Variants in LPP observed in about 807,000 individuals in gnomAD.
The protein encoded by LPP is lipoma-preferred partner.
A neutral mutation model predicts 60.4 loss-of-function variants in LPP; 38 were observed. The ratio of observed to expected loss-of-function variants is 0.63; its 90% CI spans 0.49 to 0.83. The LOEUF (loss-of-function observed/expected upper bound fraction) is 0.83, where lower values mean the gene tolerates loss of function less well. Ranked by LOEUF, LPP falls within the 40% of genes least tolerant of loss-of-function variation. LPP has a pLI of 0.00. For synonymous variants in LPP, 328 were observed against 290.8 expected (o/e 1.13, Z -1.30); for missense variants, 902 against 783.6 (o/e 1.15, Z -1.80).
chr3:188,840,192 G>A (rs1759575062), intron 9 of LPP, among the ~76,000 whole-genome samples: 1 of 151,954 alleles, frequency 6.6e-6, no homozygotes, highest in South Asian at 2.1e-4. Context: ...TCTTTTTCCA[G>A]CTATTGATGA....
At position 188,506,362 on chromosome 3, in the gene LPP, A is replaced by G. The variant is rs111836922; in HGVS notation, c.307-18303A>G. 6.0e-3 allele frequency among the ~76,000 whole-genome samples: 918 copies of G among 152,330 alleles called. 4 individuals carry two copies. The highest frequency in any genetic ancestry group is 0.024 in the Middle Eastern group (7 of 294). ...CTGCTGGTTCAGAGTAAAGGCTACT[A>G]TGAGTCAGTTAATAAATAGATTTAT... On this transcript the variant is annotated intron_variant, in intron 5 of 11. Coordinates refer to ENST00000617246, the MANE Select transcript of LPP (RefSeq NM_001375462.1).
chr3:188,445,383 A>C (rs575720586), intron 4 of LPP, among the ~76,000 whole-genome samples: 6 of 152,272 alleles, frequency 3.9e-5, no homozygotes, highest in African/African-American at 1.4e-4. Context: ...GCAAACTGAC[A>C]CAGGAACAGA....
chr3:188,155,585 T>G (rs1221216502), intron 1 of LPP, among the ~76,000 whole-genome samples: 1 of 152,156 alleles, frequency 6.6e-6, no homozygotes, highest in East Asian at 1.9e-4. Flanking sequence ...TCCACGAAGG[T>G]GGGTGCTAGA....
intron 1 of LPP, among the ~76,000 whole-genome samples, chr3:188,223,069 C>T (rs1716400412): frequency 6.6e-6 from 1 of 152,170 alleles, no homozygotes; most frequent in Admixed American, 6.5e-5. Context: ...AGGGAAAATA[C>T]TCAAGGCCAA....
In LPP at chr3:188,885,651, C is replaced by T. The variant is rs1033596003; in HGVS notation, c.*11172C>T. On this transcript the variant is annotated 3_prime_UTR_variant, in exon 12 of 12. Transcript: ENST00000617246. Reference sequence around the variant, plus strand: ...TGATTTATAATCCTTTGGGTATATACCCAGTAATGGGATGGCTGGGTCAAA... The same window carrying T: ...TGATTTATAATCCTTTGGGTATATATCCAGTAATGGGATGGCTGGGTCAAA... The T allele has an allele frequency of 1.2e-4, 19 of 154,122 alleles. No individual in the cohort carries two copies. Among genetic ancestry groups the T allele is most frequent in the African/African-American group, 4.6e-4 (19 of 41,502 alleles). The allele number at this position is 154,122 out of a possible 1,614,324, so 9.5% of individuals were successfully genotyped here.
At chr3:188,318,047 A>G (rs1216650261) in intron 2 of LPP, among the ~76,000 whole-genome samples, 2 of 152,204 alleles carry the variant, frequency 1.3e-5, no homozygotes, top group African/African-American at 4.8e-5. Context: ...TTCTCATAGA[A>G]GATCCTTCTC....
chr3:188,347,821 C>G (rs7617574), intron 3 of LPP, among the ~76,000 whole-genome samples: 148,771 of 152,290 alleles, frequency 0.98, 72,721 homozygotes, highest in African/African-American at 1. Flanking sequence ...CTCGGAGTTT[C>G]TCAATGGCAG....
chr3:188,249,829 T>TACACACACACACACAC (rs61215623), intron 2 of LPP, among the ~76,000 whole-genome samples: 3 of 111,166 alleles, frequency 2.7e-5, no homozygotes, highest in Non-Finnish European at 5.2e-5. Context: ...TTTCTCTGTC[T>TACACACACACACACAC]ACACACACAC....
In LPP at chr3:188,597,291, C is replaced by A. The variant is rs552452558; in HGVS notation, c.430-11870C>A. ...AATTAGTTATTTCTTCTCAAAGAATCCTCTGTTAAAAATTATTCCCCAAAT... is the reference window on the plus strand; with the variant it reads ...AATTAGTTATTTCTTCTCAAAGAATACTCTGTTAAAAATTATTCCCCAAAT... On this transcript the variant is annotated intron_variant, in intron 6 of 11. Transcript: ENST00000617246. Among the ~76,000 whole-genome samples, 5 of 152,184 alleles carry A rather than the reference C, an allele frequency of 3.3e-5. No individual in the cohort carries two copies. The East Asian group carries it at 9.7e-4, about 29-fold the overall frequency.
intron 7 of LPP, among the ~76,000 whole-genome samples, chr3:188,635,281 G>A (rs1423465992): frequency 6.6e-6 from 1 of 152,030 alleles, no homozygotes; most frequent in Non-Finnish European, 1.5e-5. Flanking sequence ...GTGCTTCTTG[G>A]GCATCAGTGG....
chr3:188,197,029 T>C (rs776523971), intron 1 of LPP, among the ~76,000 whole-genome samples: 1 of 152,258 alleles, frequency 6.6e-6, no homozygotes, highest in African/African-American at 2.4e-5. Flanking sequence ...TAATTCTTTA[T>C]ATTTCTGTAT....
intron 7 of LPP, among the ~76,000 whole-genome samples, chr3:188,656,826 G>A (rs1364165351): frequency 6.6e-6 from 1 of 152,186 alleles, no homozygotes; most frequent in Non-Finnish European, 1.5e-5. Flanking sequence ...ACTGAGGGCT[G>A]CCCAATAGCT....
Position 188,874,208 on chromosome 3 carries a change from G to A in LPP, c.1711-143G>A, listed in dbSNP as rs73199043. The A allele has an allele frequency of 0.15, 94,796 of 612,628 alleles. 8,970 individuals are homozygous for A. The highest frequency in any genetic ancestry group is 0.21 in the Middle Eastern group (476 of 2,306). The allele number at this position is 612,628 out of a possible 1,614,324, so 37.9% of individuals were successfully genotyped here. ...GTTATATATTGGGAGAAAGGATACA[G>A]GGGATTAGCAGAATGTAAAGCAGGA... On this transcript the variant is annotated intron_variant, in intron 11 of 11. Transcript: ENST00000617246.
chr3:188,232,772 G>A (rs1350959715), intron 2 of LPP, among the ~76,000 whole-genome samples: 1 of 152,082 alleles, frequency 6.6e-6, no homozygotes, highest in South Asian at 2.1e-4. Context: ...TTTGGAGTAG[G>A]AAGACTGTCA....
At chr3:188,573,055 T>C (rs1190535307) in intron 6 of LPP, among the ~76,000 whole-genome samples, 1 of 152,066 alleles carries the variant, frequency 6.6e-6, no homozygotes, top group Non-Finnish European at 1.5e-5. Flanking sequence ...TGTCAATAAG[T>C]TTGTAATAGT....
At chr3:188,587,905 A>G (rs1040211702) in intron 6 of LPP, among the ~76,000 whole-genome samples, 1 of 152,234 alleles carries the variant, frequency 6.6e-6, no homozygotes, top group African/African-American at 2.4e-5. Flanking sequence ...ACAAAACATG[A>G]TAATTCCAAA....
At chr3:188,346,418 C>G (rs1271438324) in intron 3 of LPP, among the ~76,000 whole-genome samples, 1 of 150,946 alleles carries the variant, frequency 6.6e-6, no homozygotes, top group Non-Finnish European at 1.5e-5. Context: ...CACCCCCACG[C>G]CCAGCTAATT....
At chr3:188,245,665 T>C (rs921338740) in intron 2 of LPP, among the ~76,000 whole-genome samples, 1 of 152,104 alleles carries the variant, frequency 6.6e-6, no homozygotes, top group Non-Finnish European at 1.5e-5. Context: ...CTTTTTTTTT[T>C]TTAAGATCAA....
chr3:188,493,529 G>C (rs1447253296), intron 5 of LPP, among the ~76,000 whole-genome samples: 2 of 151,596 alleles, frequency 1.3e-5, no homozygotes, highest in African/African-American at 4.8e-5. Flanking sequence ...CCTGAGCTCA[G>C]GTGATCCTCC....
Sources: allele counts gnomAD v4.1 joint callset (sites outside exome capture counted in the v4.1 genomes callset), GRCh38; gene constraint gnomAD v4.1.1; transcripts MANE v1.5; gene names NCBI Gene and HGNC (gene_info 2026-07-23, HGNC 2026-07-21).